ADI1: variants seen among roughly 807,000 people sequenced by gnomAD.
ADI1 encodes the protein acireductone dioxygenase 1.
A neutral mutation model predicts 18.7 loss-of-function variants in ADI1; 21 were observed. The ratio of observed to expected loss-of-function variants is 1.13; its 90% CI spans 0.80 to 1.62. The LOEUF (loss-of-function observed/expected upper bound fraction) is 1.62, where lower values mean the gene tolerates loss of function less well. ADI1 is among the 40% of genes most tolerant of loss of function. ADI1 has a pLI of 0.00. For synonymous variants in ADI1, 90 were observed against 100.1 expected, an observed-to-expected ratio of 0.90 and a Z score of 0.60; for missense variants, 245 against 254.9, an observed-to-expected ratio of 0.96 and a Z score of 0.26.
intron 2 of ADI1, among the ~76,000 whole-genome samples, chr2:3,513,459 A>C (rs1415257432): frequency 6.6e-6 from 1 of 152,176 alleles, no homozygotes; most frequent in African/African-American, 2.4e-5. Context: ...TTTCTCATGA[A>C]TAGCTTAGCA....
intron 1 of ADI1, among the ~76,000 whole-genome samples, chr2:3,514,561 T>G (rs1358868825): frequency 6.6e-6 from 1 of 152,240 alleles, no homozygotes; most frequent in Non-Finnish European, 1.5e-5. Flanking sequence ...TTAAAAATAT[T>G]TGATATTTCA....
intron 1 of ADI1, among the ~76,000 whole-genome samples, chr2:3,519,048 C>T (rs971009871): frequency 6.6e-5 from 10 of 152,106 alleles, no homozygotes; most frequent in Non-Finnish European, 1.5e-4. Flanking sequence ...GACCGCCAAC[C>T]CCGTAAACTT....
intron 2 of ADI1, among the ~76,000 whole-genome samples, chr2:3,505,800 T>C (rs1303176962): frequency 6.6e-6 from 1 of 151,900 alleles, no homozygotes; most frequent in African/African-American, 2.4e-5. Context: ...CTTTGGGAGG[T>C]AATTAGGATT....
intron 2 of ADI1, among the ~76,000 whole-genome samples, chr2:3,510,706 G>A (rs142136397): frequency 1.3e-5 from 2 of 152,276 alleles, no homozygotes; most frequent in African/African-American, 4.8e-5. Context: ...CAAATGCCTT[G>A]AGAGAAACAA....
At chr2:3,514,007 CTCAGAT>C in intron 1 of ADI1, 31 bp from the exon 2 acceptor site, 1 of 1,569,972 alleles carries the variant, frequency 6.4e-7, no homozygotes, top group Non-Finnish European at 8.6e-7. Flanking sequence ...AAAACAAGAG[CTCAGAT>C]TAACAAGGAG....
Position 3,498,994 on chromosome 2 carries a change from T to C in ADI1, c.509A>G (p.Gln170Arg). Residue 170 changes from glutamine to arginine, a missense_variant, in exon 4 of 4, where the codon CAG becomes CGG. Physicochemically the swap from Gln to Arg is conservative, Grantham distance 43 (BLOSUM62 1). Transcript: ENST00000327435. ...GGTCTGTGCCAGAAATTTCACGTAC[T>C]GCCCGCGGGCTTCAAAATGGTCAGC... ...RPADHFEARG[Q>R]YVKFLAQTA is the part of the protein sequence containing the mutation. The C allele has an allele frequency of 6.2e-7, 1 of 1,613,664 alleles. No individual in the cohort carries two copies. Among genetic ancestry groups the C allele is most frequent in the Non-Finnish European group, 8.5e-7 (1 of 1,179,592 alleles).
rs1667194142 is a variant in ADI1, at chr2:3,507,275, G to A, written c.241-6282C>T. Reference sequence around the variant, plus strand: ...AAAGTGAATAAATATTTGAAATACTGTCCACAAATTTTCCAAAATTAATGA... The same window carrying A: ...AAAGTGAATAAATATTTGAAATACTATCCACAAATTTTCCAAAATTAATGA... On this transcript the variant is annotated intron_variant, in intron 2 of 3. Coordinates refer to ENST00000327435, the MANE Select transcript of ADI1 (RefSeq NM_018269.4). Among the ~76,000 whole-genome samples the A allele has an allele frequency of 2.0e-5, 3 of 152,138 alleles. No homozygotes were observed. The South Asian group carries it at 6.2e-4, about 31-fold the overall frequency.
Position 3,500,817 on chromosome 2 carries a change from C to T in ADI1, c.417G>A (p.Glu139=). 6.2e-7 allele frequency: 1 copy of T among 1,613,994 alleles called. No individual in the cohort carries two copies. Among genetic ancestry groups the T allele is most frequent in the Non-Finnish European group, 8.5e-7 (1 of 1,179,860 alleles). ...GGAGAAAGCACAGCACTCCCACCTT[C>T]TCGTCCACCGTGAAGCGGTGATAGA... The part of the protein sequence containing the change: ...AGIYHRFTVD[E]KNYTKAMRLF... Residue 139 remains glutamate, a synonymous_variant, in exon 3 of 4, where the codon GAG becomes GAA. Transcript: ENST00000327435.
intron 2 of ADI1, among the ~76,000 whole-genome samples, chr2:3,502,027 ACACACACACACACAC>A (rs1412809239): frequency 3.9e-5 from 4 of 102,550 alleles, no homozygotes; most frequent in African/African-American, 1.7e-4. Context: ...ACACACACAC[ACACACACACACACAC>A]AGAGACAGGG....
rs1572242339 is a variant in ADI1, at chr2:3,519,464, G to A, written c.24C>T (p.Asp8=). ...GTTGCCGCGGGTCGCCCGGGGCGTC[G>A]TCCATATACCAGGCCTGCACCATGA... The part of the protein sequence containing the change: MVQAWYM[D]DAPGDPRQPH... Residue 8 remains aspartate (D), a synonymous_variant, in exon 1 of 4, where the codon GAC becomes GAT. Transcript: ENST00000327435. The A allele has an allele frequency of 1.5e-6, 2 of 1,353,660 alleles. No homozygotes were observed. Among genetic ancestry groups the A allele is most frequent in the Non-Finnish European group, 1.9e-6 (2 of 1,056,792 alleles). The allele number at this position is 1,353,660 out of a possible 1,614,324, so 83.9% of individuals were successfully genotyped here.
At position 3,497,867 on chromosome 2, in the gene ADI1, T is replaced by C. The variant is rs941548097; in HGVS notation, c.*1096A>G. 1.3e-5 allele frequency: 2 copies of C among 152,188 alleles called. No individual in the cohort carries two copies. 9.4% of individuals were successfully genotyped at this position (152,188 alleles called of 1,614,324 possible). A position where few individuals can be genotyped will look rare whatever the true frequency, so the allele number is the denominator to read the frequency against. ...CATATGAATGTTTCGTTCTTAAAAA[T>C]GAACAAGCTCTATTTATAATGCCCA... On this transcript the variant is annotated 3_prime_UTR_variant, in exon 4 of 4. Transcript: ENST00000327435.
Position 3,503,406 on chromosome 2 carries a change from CAT to C in ADI1, c.241-2415_241-2414del, listed in dbSNP as rs1310485499. On this transcript the variant is annotated intron_variant, in intron 2 of 3. Coordinates refer to ENST00000327435, the MANE Select transcript of ADI1 (RefSeq NM_018269.4). ...ACGTACTCACACGCACATTCACACA[CAT>C]GCACACGTACACACACGAGTGCATT... 9.2e-5 allele frequency among the ~76,000 whole-genome samples: 14 copies of C among 151,840 alleles called. No homozygotes were observed. In the East Asian group the frequency reaches 2.7e-3, roughly 30 times the overall value.
In ADI1 at chr2:3,500,959, T is replaced by A; in HGVS notation, c.275A>T (p.Asp92Val). The change falls in exon 3 of 4, where the codon GAC (aspartate) becomes GTC (valine). Residue 92 changes from aspartate (D) to valine (V), a missense_variant. Coordinates refer to ENST00000327435, the MANE Select transcript of ADI1 (RefSeq NM_018269.4). ...KMFYEEHLHL[D>V]DEIRYILDGS... ...ATCCAGGATGTAGCGGATCTCATCG[T>A]CCAAGTGCAAATGCTCCTCGTAGAA... The A allele has an allele frequency of 6.2e-7, 1 of 1,613,194 alleles. No individual in the cohort carries two copies. The highest frequency in any genetic ancestry group is 1.7e-4 in the Middle Eastern group (1 of 6,046).
intron 1 of ADI1, chr2:3,514,909 T>C (rs1667366282): frequency 6.5e-7 from 1 of 1,531,158 alleles, no homozygotes; most frequent in Non-Finnish European, 8.8e-7. Flanking sequence ...TTCACGGACA[T>C]CTATCAGTTC....
intron 2 of ADI1, among the ~76,000 whole-genome samples, chr2:3,501,899 C>T (rs1667028626): frequency 6.6e-6 from 1 of 152,076 alleles, no homozygotes; most frequent in Non-Finnish European, 1.5e-5. Flanking sequence ...TATGCAAAAA[C>T]ATTGAGAGTA....
Position 3,513,778 on chromosome 2 carries a change from A to T in ADI1, c.240+79T>A, listed in dbSNP as rs1174579364. The T allele has an allele frequency of 3.4e-6, 5 of 1,451,682 alleles. No homozygotes were observed. The East Asian group carries it at 1.2e-4, about 34-fold the overall frequency. 89.9% of individuals were successfully genotyped at this position (1,451,682 alleles called of 1,614,324 possible). ...AATGGCCTCATACAGACATTAAAAGAAAAAAGAAAGAAAATATTGCGTCTA... is the reference window on the plus strand; with the variant it reads ...AATGGCCTCATACAGACATTAAAAGTAAAAAGAAAGAAAATATTGCGTCTA... On this transcript the variant is annotated intron_variant, in intron 2 of 3. Transcript: ENST00000327435.
rs764989680 is a variant in ADI1 at position 3,500,744 on chromosome 2, C to T, written c.420+70G>A. Reference sequence around the variant, plus strand: ...TGGAGTCTGCGGAAGCCGCGCAGTTCAGCGGCAGAGATGCCACGGCCAGGG... The same window carrying T: ...TGGAGTCTGCGGAAGCCGCGCAGTTTAGCGGCAGAGATGCCACGGCCAGGG... On this transcript the variant is annotated intron_variant, in intron 3 of 3. Coordinates refer to ENST00000327435, the MANE Select transcript of ADI1 (RefSeq NM_018269.4). The T allele has an allele frequency of 7.5e-6, 12 of 1,600,554 alleles. No homozygotes were observed. The Admixed American group carries it at 1.5e-4, about 20-fold the overall frequency.
Position 3,504,724 on chromosome 2 carries a change from G to C in ADI1, c.241-3731C>G, listed in dbSNP as rs190995978. On this transcript the variant is annotated intron_variant, in intron 2 of 3. Transcript: ENST00000327435. ...GTATGTCTGTATTGTCTGTTCGCCT[G>C]CGTATGTTTGTATTGTCTGTTCACC... 1.2e-3 allele frequency among the ~76,000 whole-genome samples: 182 copies of C among 152,232 alleles called. 1 individual carries two copies. The highest frequency in any genetic ancestry group is 4.1e-3 in the African/African-American group (170 of 41,546).
At position 3,500,013 on chromosome 2, in the gene ADI1, C is replaced by T. The variant is rs183348867; in HGVS notation, c.420+801G>A. On this transcript the variant is annotated intron_variant, in intron 3 of 3. Transcript: ENST00000327435. ...TTGGGAGGTGGAGGTTGCATTGAGCCGAGATCAAGCCACTACATGCCAGCC... is the reference window on the plus strand; with the variant it reads ...TTGGGAGGTGGAGGTTGCATTGAGCTGAGATCAAGCCACTACATGCCAGCC... Among the ~76,000 whole-genome samples the T allele has an allele frequency of 1.0e-3, 152 of 150,196 alleles. 1 individual carries two copies. The highest frequency in any genetic ancestry group is 7.1e-3 in the Admixed American group (107 of 15,034).
Sources: gnomAD v4.1 joint callset for allele counts (sites outside exome capture counted in the v4.1 genomes callset) on GRCh38, gnomAD v4.1.1 for gene constraint, MANE v1.5 for transcripts, NCBI Gene and HGNC (gene_info 2026-07-23, HGNC 2026-07-21) for gene names.